COL4A4: variants seen among roughly 807,000 people sequenced by gnomAD.
COL4A4 encodes collagen type IV alpha 4 chain.
COL4A4 carries 105 observed loss-of-function variants against 192.9 expected under a neutral mutation model. That is an observed-to-expected ratio of 0.54 (90% confidence interval 0.46 to 0.64). COL4A4 has a LOEUF of 0.64. Among genes scored for constraint, COL4A4 ranks in the 30% least tolerant of loss-of-function variants. COL4A4 has a pLI of 0.00. For synonymous variants in COL4A4, 762 were observed against 769.9 expected (o/e 0.99, Z 0.17); for missense variants, 1,967 against 2,169.3 (o/e 0.91, Z 1.85).
chr2:226,983,912 A>G, the COL4A4 span, among the ~76,000 whole-genome samples: 9 of 152,196 alleles, frequency 5.9e-5, no homozygotes, highest in Admixed American at 5.2e-4. Context: ...AGCTGAACAG[A>G]AGATTTGAGA....
chr2:226,983,272 G>A, the COL4A4 span, among the ~76,000 whole-genome samples: 1 of 152,044 alleles, frequency 6.6e-6, no homozygotes, highest in Non-Finnish European at 1.5e-5. Flanking sequence ...GCTCCCCGAC[G>A]TGGATTTGAG....
At chr2:227,072,041 G>A (rs2058751738) in intron 25 of COL4A4, among the ~76,000 whole-genome samples, 1 of 151,506 alleles carries the variant, frequency 6.6e-6, no homozygotes, top group African/African-American at 2.4e-5. Context: ...AAATAACAAA[G>A]ATCAGACTGA....
rs760310493 is a variant in COL4A4 at position 227,089,935 on chromosome 2, G to T, written c.1392C>A (p.Asn464Lys). ...TGCCTTTTATTCCTTGTGGTCCGGG[G>T]TTCCCAACACTACAGTATATCACTG... ...GSSVIYCSVG[N>K]PGPQGIKGKV... Residue 464 changes from asparagine (N) to lysine (K), a missense_variant, in exon 21 of 48, where the codon AAC becomes AAA. Coordinates refer to ENST00000396625, the MANE Select transcript of COL4A4 (RefSeq NM_000092.5). The T allele has an allele frequency of 1.9e-6, 3 of 1,613,520 alleles. No individual in the cohort carries two copies. Among genetic ancestry groups the T allele is most frequent in the Non-Finnish European group, 2.5e-6 (3 of 1,179,702 alleles).
At chr2:227,119,961 CAA>C (rs777260843) in intron 5 of COL4A4, 22 bp from the exon 6 acceptor site, 11 of 1,528,562 alleles carry the variant, frequency 7.2e-6, no homozygotes, top group Admixed American at 3.6e-5. Context: ...GAAAATAAAA[CAA>C]AGAGATAAAA....
chr2:226,976,442 A>G, the COL4A4 span, among the ~76,000 whole-genome samples: 1 of 151,934 alleles, frequency 6.6e-6, no homozygotes, highest in South Asian at 2.1e-4. Flanking sequence ...GTTGTAAATT[A>G]TCAAAATGTG....
the COL4A4 span, among the ~76,000 whole-genome samples, chr2:226,980,265 A>G: frequency 6.6e-5 from 10 of 152,188 alleles, no homozygotes; most frequent in Non-Finnish European, 1.2e-4. Context: ...CAAAGCCAGT[A>G]TTCAACCTCA....
At chr2:227,132,691 G>A (rs886329062) in intron 4 of COL4A4, among the ~76,000 whole-genome samples, 5 of 152,098 alleles carry the variant, frequency 3.3e-5, no homozygotes, top group Admixed American at 1.3e-4. Flanking sequence ...CAGGAGAATC[G>A]CTTGAACACA....
rs559743197 is a variant in COL4A4, at chr2:227,052,348, C to G, written c.2925G>C (p.Gly975=). ...MAIISQKGTP[G]EPGPPGDDGF... ...CATCATCTCCAGGAGGTCCAGGTTC[C>G]CCAGGTGTTCCCTTTTGTGAAATGA... The change falls in exon 32 of 48, where the codon GGG becomes GGC. Residue 975 remains glycine (G), a synonymous_variant. Coordinates refer to ENST00000396625, the MANE Select transcript of COL4A4 (RefSeq NM_000092.5). 1 of 1,613,388 alleles carries G rather than the reference C, an allele frequency of 6.2e-7. No individual in the cohort carries two copies.
chr2:227,011,864 A>T (rs1963792737), intron 45 of COL4A4, among the ~76,000 whole-genome samples: 1 of 152,224 alleles, frequency 6.6e-6, no homozygotes, highest in African/African-American at 2.4e-5. Context: ...CACCAGGCTG[A>T]CCGTCCCTTC....
the COL4A4 span, among the ~76,000 whole-genome samples, chr2:226,993,830 A>G: frequency 1.3e-5 from 2 of 152,236 alleles, no homozygotes; most frequent in African/African-American, 4.8e-5. Context: ...TCCGTTTCCC[A>G]CTGCTTTCTC....
At chr2:227,081,901 G>A (rs560193908) in intron 23 of COL4A4, among the ~76,000 whole-genome samples, 1 of 152,258 alleles carries the variant, frequency 6.6e-6, no homozygotes, top group Admixed American at 6.5e-5. Flanking sequence ...GTGAATGTGT[G>A]GCTAAAGGAA....
At chr2:226,999,286 C>A (rs1016033335), downstream of COL4A4, 4 of 149,436 alleles carry the variant, frequency 2.7e-5, no homozygotes, top group African/African-American at 9.8e-5. Flanking sequence ...CATTGTAGGT[C>A]TTTTTTTTTT....
At chr2:227,140,050 A>C in intron 4 of COL4A4, 111 bp downstream of exon 4, 1 of 881,492 alleles carries the variant, frequency 1.1e-6, no homozygotes, top group Non-Finnish European at 1.9e-6. Context: ...GAAATACATA[A>C]ACATTATCGA....
At chr2:227,114,276 A>G (rs2061371774) in intron 8 of COL4A4, among the ~76,000 whole-genome samples, 1 of 152,244 alleles carries the variant, frequency 6.6e-6, no homozygotes, top group African/African-American at 2.4e-5. Context: ...TCTAATGAGT[A>G]GAGGCCAGAG....
At chr2:227,112,507 A>G (rs2061271429) in intron 8 of COL4A4, among the ~76,000 whole-genome samples, 1 of 152,098 alleles carries the variant, frequency 6.6e-6, no homozygotes, top group Admixed American at 6.5e-5. Context: ...GACCTCAGGT[A>G]ATCCACCCGC....
At chr2:227,133,841 A>C (rs1251048985) in intron 4 of COL4A4, among the ~76,000 whole-genome samples, 1 of 152,128 alleles carries the variant, frequency 6.6e-6, no homozygotes, top group African/African-American at 2.4e-5. Context: ...CAGTGAGCCA[A>C]GATAGCGCCA....
chr2:227,082,257 A>C (rs2059365622), intron 22 of COL4A4, 70 bp from the exon 23 acceptor site: 4 of 1,274,760 alleles, frequency 3.1e-6, no homozygotes, highest in Admixed American at 3.4e-5. Flanking sequence ...GTACATATTG[A>C]ATCTCTCTCT....
intron 4 of COL4A4, among the ~76,000 whole-genome samples, chr2:227,134,840 C>A (rs2062708424): frequency 6.6e-6 from 1 of 152,140 alleles, no homozygotes. Context: ...TTTGTAAAAC[C>A]ACCACATCAT....
Position 227,006,239 on chromosome 2 carries a change from T to A in COL4A4, c.*1086A>T, listed in dbSNP as rs1345612728. On this transcript the variant is annotated 3_prime_UTR_variant, in exon 48 of 48. Transcript: ENST00000396625. ...GGCCCTTAATTTTCTCCCAAGTGCA[T>A]AATGATAGCTCTGTCACGTCCCTGT... 2 of 152,668 alleles carry A rather than the reference T, an allele frequency of 1.3e-5. No individual in the cohort carries two copies. The highest frequency in any genetic ancestry group is 3.9e-4 in the East Asian group (2 of 5,194). 9.5% of individuals were successfully genotyped at this position (152,668 alleles called of 1,614,324 possible). A position where few individuals can be genotyped will look rare whatever the true frequency, so the allele number is the denominator to read the frequency against.
Sources: gnomAD v4.1 joint callset for allele counts (sites outside exome capture counted in the v4.1 genomes callset) on GRCh38, gnomAD v4.1.1 for gene constraint, MANE v1.5 for transcripts, NCBI Gene and HGNC (gene_info 2026-07-23, HGNC 2026-07-21) for gene names.